The following PCDHA2 variants were observed in gnomAD, a reference collection of about 807,000 sequenced individuals.
PCDHA2 encodes protocadherin alpha-2.
PCDHA2 carries 58 observed loss-of-function variants against 66.0 expected under a neutral mutation model. The observed-to-expected ratio is 0.88, with a 90% CI of 0.71 to 1.09. The LOEUF is 1.09. PCDHA2 is among the 50% of genes least tolerant of loss of function. The pLI is 0.00. For synonymous variants in PCDHA2, 634 were observed against 554.0 expected, an observed-to-expected ratio of 1.14 and a Z score of -2.03; for missense variants, 1,267 against 1,242.3, an observed-to-expected ratio of 1.02 and a Z score of -0.30.
intron 1 of PCDHA2, among the ~76,000 whole-genome samples, chr5:140,941,214 C>CTTCCTTTCTTT (rs1554214039): frequency 8.2e-6 from 1 of 122,414 alleles, no homozygotes; most frequent in Non-Finnish European, 1.7e-5. Context: ...TTTCTTTCTT[C>CTTCCTTTCTTT]CTTTCTTTCT....
At chr5:140,994,562 G>A (rs1554254244) in intron 3 of PCDHA2, among the ~76,000 whole-genome samples, 2 of 152,094 alleles carry the variant, frequency 1.3e-5, no homozygotes, top group Non-Finnish European at 2.9e-5. Context: ...AAAATTAGCC[G>A]GGTGTGGTGG....
At chr5:140,797,584 A>G (rs782429707) in intron 1 of PCDHA2, 1 of 615,416 alleles carries the variant, frequency 1.6e-6, no homozygotes, top group South Asian at 2.2e-5. Context: ...TCATTAAGTC[A>G]TAAGTAATAG....
chr5:140,871,247 T>C (rs1340682715), intron 1 of PCDHA2: 1 of 1,613,990 alleles, frequency 6.2e-7, no homozygotes, highest in Non-Finnish European at 8.5e-7. Context: ...CTCACGCTGC[T>C]GCTGTATACG....
At chr5:140,894,960 A>G (rs1277191439) in intron 1 of PCDHA2, among the ~76,000 whole-genome samples, 1 of 152,170 alleles carries the variant, frequency 6.6e-6, no homozygotes, top group African/African-American at 2.4e-5. Context: ...ATAAAAATAT[A>G]ATTTTTTAAT....
chr5:140,875,443 G>A, intron 1 of PCDHA2: 1 of 1,580,070 alleles, frequency 6.3e-7, no homozygotes. Flanking sequence ...AAAACTGATT[G>A]TCCCAACTCA....
At position 140,796,774 on chromosome 5, in the gene PCDHA2, A is replaced by G. The variant is rs1554120101; in HGVS notation, c.1810A>G (p.Asn604Asp). The change falls in exon 1 of 4, where the codon AAC (asparagine) becomes GAC (aspartate). Residue 604 changes from asparagine (N) to aspartate (D), a missense_variant. By Grantham distance (23) the Asn-to-Asp change is conservative (BLOSUM62 1). Transcript: ENST00000526136. The stretch of plus-strand genomic sequence containing the variant: ...CGCAGTGGACGCTGACTCAGGCTAC[A>G]ACGCGTGGCTTTCGTACGAGCTTCA... ...VRAVDADSGY[N>D]AWLSYELQLG... The G allele has an allele frequency of 6.2e-7, 1 of 1,614,134 alleles. No individual in the cohort carries two copies. The highest frequency in any genetic ancestry group is 8.5e-7 in the Non-Finnish European group (1 of 1,179,970).
intron 3 of PCDHA2, among the ~76,000 whole-genome samples, chr5:140,996,316 A>C (rs2153939037): frequency 6.6e-6 from 1 of 152,250 alleles, no homozygotes; most frequent in African/African-American, 2.4e-5. Context: ...GTAAGGGGGG[A>C]GGGTAGAGAA....
intron 1 of PCDHA2, among the ~76,000 whole-genome samples, chr5:140,913,386 T>C (rs1317540233): frequency 6.6e-6 from 1 of 152,228 alleles, no homozygotes; most frequent in Non-Finnish European, 1.5e-5. Context: ...TGGCTCATCA[T>C]AGCCACTAAT....
intron 1 of PCDHA2, among the ~76,000 whole-genome samples, chr5:140,890,478 G>A (rs1358799219): frequency 1.3e-5 from 2 of 151,984 alleles, no homozygotes; most frequent in Non-Finnish European, 2.9e-5. Flanking sequence ...TTTTTTGTGC[G>A]TTATTTTTGT....
chr5:140,906,534 A>G (rs7704223), intron 1 of PCDHA2, among the ~76,000 whole-genome samples: 49,309 of 152,142 alleles, frequency 0.32, 8,308 homozygotes, highest in East Asian at 0.53. Flanking sequence ...GACAATTAAA[A>G]TCCTCATTTC....
At chr5:140,831,563 A>G (rs2150196275) in intron 1 of PCDHA2, among the ~76,000 whole-genome samples, 6 of 126,944 alleles carry the variant, frequency 4.7e-5, no homozygotes, top group Admixed American at 4.6e-4. Context: ...GGGTTTCTCC[A>G]TGTTGCCCAG....
At chr5:140,873,449 T>G (rs565390619) in intron 1 of PCDHA2, among the ~76,000 whole-genome samples, 1 of 152,310 alleles carries the variant, frequency 6.6e-6, no homozygotes, top group Non-Finnish European at 1.5e-5. Flanking sequence ...AATAACAAAT[T>G]TGCATTTTAG....
At chr5:140,875,233 G>C in intron 1 of PCDHA2, 2 of 863,878 alleles carry the variant, frequency 2.3e-6, no homozygotes, top group Non-Finnish European at 3.3e-6. Context: ...GATCTTTCTT[G>C]TACTTACATA....
At chr5:140,853,917 C>A (rs2042908511) in intron 1 of PCDHA2, 1 of 942,718 alleles carries the variant, frequency 1.1e-6, no homozygotes, top group Non-Finnish European at 1.3e-6. Flanking sequence ...ACCTGCAATC[C>A]CAACATTTTG....
chr5:140,829,768 C>T (rs2150174166), intron 1 of PCDHA2: 18 of 1,613,762 alleles, frequency 1.1e-5, no homozygotes, highest in African/African-American at 5.3e-5. Context: ...TGGACGAGAA[C>T]GACAACGCGC....
intron 3 of PCDHA2, among the ~76,000 whole-genome samples, chr5:141,007,654 C>T (rs1461130528): frequency 6.6e-6 from 1 of 152,052 alleles, no homozygotes; most frequent in Non-Finnish European, 1.5e-5. Context: ...CCTAAAAAAC[C>T]ATAAATTTAC....
chr5:140,876,568 G>A (rs1302204057), intron 1 of PCDHA2: 1 of 1,614,046 alleles, frequency 6.2e-7, no homozygotes, highest in African/African-American at 1.3e-5. Context: ...TGCTCAGGTG[G>A]GTACCGTCAT....
chr5:140,829,643 T>C (rs2150171954), intron 1 of PCDHA2: 3 of 1,612,246 alleles, frequency 1.9e-6, no homozygotes, highest in South Asian at 1.1e-5. Flanking sequence ...CGGCAAGGTG[T>C]ACGCGCTGCA....
At chr5:140,807,192 A>ACTCC (rs1554123783) in intron 1 of PCDHA2, 2 of 1,613,220 alleles carry the variant, frequency 1.2e-6, no homozygotes, top group African/African-American at 2.7e-5. Context: ...CTAAAGATGG[A>ACTCC]GTTTTCCTGG....
Sources: allele counts gnomAD v4.1 joint callset (sites outside exome capture counted in the v4.1 genomes callset), GRCh38; gene constraint gnomAD v4.1.1; transcripts MANE v1.5; gene names NCBI Gene and HGNC (gene_info 2026-07-23, HGNC 2026-07-21).